ZNF557: variants seen among roughly 807,000 people sequenced by gnomAD.
The protein encoded by ZNF557 is zinc finger protein 557, also known as CTB-25J19.9.
ZNF557 carries 19 observed loss-of-function variants against 21.2 expected under a neutral mutation model. The observed-to-expected ratio is 0.90, with a 90% CI of 0.63 to 1.32. ZNF557 has a LOEUF of 1.32. ZNF557 is among the 40% of genes most tolerant of loss of function. The pLI, the probability that ZNF557 is intolerant of heterozygous loss-of-function variation, is 0.00. For synonymous variants in ZNF557, 207 were observed against 194.8 expected, an observed-to-expected ratio of 1.06 and a Z score of -0.52; for missense variants, 487 against 519.8, an observed-to-expected ratio of 0.94 and a Z score of 0.61.
intron 2 of ZNF557, among the ~76,000 whole-genome samples, chr19:7,071,586 G>A (rs890836720): frequency 6.6e-6 from 1 of 152,158 alleles, no homozygotes; most frequent in African/African-American, 2.4e-5. Context: ...AAGCCTGTCT[G>A]TAATCCCAGA....
chr19:7,072,838 C>G (rs975647785), intron 2 of ZNF557, among the ~76,000 whole-genome samples: 1 of 152,190 alleles, frequency 6.6e-6, no homozygotes, highest in African/African-American at 2.4e-5. Flanking sequence ...AAAGCCAGTT[C>G]TTAGATGACA....
chr19:7,071,117 G>C (rs920718090), intron 2 of ZNF557, among the ~76,000 whole-genome samples: 1 of 151,970 alleles, frequency 6.6e-6, no homozygotes, highest in African/African-American at 2.4e-5. Flanking sequence ...GATACTAAGG[G>C]GTGTGTGATA....
In ZNF557 at chr19:7,075,244, C is replaced by T. The variant is rs544254235; in HGVS notation, c.31+139C>T. ...GGCCCAGAGGTCCTCCGTGTCTGAT[C>T]GGGCGGCTCTTGGGACTTGGGACTT... On this transcript the variant is annotated intron_variant, in intron 3 of 7. Coordinates refer to ENST00000252840, the MANE Select transcript of ZNF557 (RefSeq NM_024341.3). 785 of 1,222,718 alleles carry T rather than the reference C, an allele frequency of 6.4e-4. 3 individuals carry two copies. In the African/African-American group the frequency reaches 0.01, roughly 16 times the overall value. The allele number at this position is 1,222,718 out of a possible 1,614,324, so 75.7% of individuals were successfully genotyped here. A position where few individuals can be genotyped will look rare whatever the true frequency, so the allele number is the denominator to read the frequency against.
intron 2 of ZNF557, among the ~76,000 whole-genome samples, chr19:7,073,739 T>C (rs748892706): frequency 1.1e-4 from 16 of 152,054 alleles, no homozygotes; most frequent in Non-Finnish European, 2.2e-4. Context: ...TCCCAATCCT[T>C]CTCTCCCCGG....
At chr19:7,074,217 A>G (rs1774810041) in intron 2 of ZNF557, among the ~76,000 whole-genome samples, 1 of 151,684 alleles carries the variant, frequency 6.6e-6, no homozygotes, top group South Asian at 2.1e-4. Flanking sequence ...CATGTTAGCC[A>G]GGATCGTCTC....
chr19:7,077,683 G>A (rs934381657), intron 5 of ZNF557, among the ~76,000 whole-genome samples: 1 of 152,044 alleles, frequency 6.6e-6, no homozygotes, highest in Non-Finnish European at 1.5e-5. Flanking sequence ...TGTGTCCTGT[G>A]GTAATTCTGT....
In ZNF557 at chr19:7,083,851, C is replaced by A. The variant is rs1409379623; in HGVS notation, c.*107C>A. ...ACCTGCTACTGTGTAACAAATTACC[C>A]CCCAAAATTTTGTGGCTTCAAACAA... On this transcript the variant is annotated 3_prime_UTR_variant, in exon 8 of 8. Transcript: ENST00000252840. 9.1e-6 allele frequency: 13 copies of A among 1,435,154 alleles called. No homozygotes were observed. Among genetic ancestry groups the A allele is most frequent in the Non-Finnish European group, 1.1e-5 (12 of 1,065,084 alleles). 88.9% of individuals were successfully genotyped at this position (1,435,154 alleles called of 1,614,324 possible).
chr19:7,076,612 A>T, intron 5 of ZNF557, 105 bp downstream of exon 5: 1 of 1,492,194 alleles, frequency 6.7e-7, no homozygotes, highest in South Asian at 1.4e-5. Context: ...CACCATTTAA[A>T]CTATTTTAAA....
At chr19:7,074,331 T>TACACACAC (rs71177149) in intron 2 of ZNF557, among the ~76,000 whole-genome samples, 26 of 150,034 alleles carry the variant, frequency 1.7e-4, no homozygotes, top group Non-Finnish European at 2.8e-4. Context: ...TGTGTGTATA[T>TACACACAC]ACACACACAC....
intron 4 of ZNF557, 21 bp from the exon 5 acceptor site, chr19:7,076,360 G>T (rs747188697): frequency 6.2e-7 from 1 of 1,614,028 alleles, no homozygotes; most frequent in South Asian, 1.1e-5. Flanking sequence ...TGGCTAAGCC[G>T]TGATGTTTGC....
rs774311332 is a variant in ZNF557, at chr19:7,083,445, A to C, written c.994A>C (p.Arg332=). Reference sequence around the variant, plus strand: ...CGATTGTGGGAGAACCTTCAGGAGGAGGTCGAATCTGACACAGCACATAAG... The same window carrying C: ...CGATTGTGGGAGAACCTTCAGGAGGCGGTCGAATCTGACACAGCACATAAG... The part of the protein sequence containing the change: ...CHDCGRTFRR[R]SNLTQHIRTH... Residue 332 remains arginine (R), a synonymous_variant, in exon 8 of 8, where the codon AGG becomes CGG. Coordinates refer to ENST00000252840, the MANE Select transcript of ZNF557 (RefSeq NM_024341.3). 6.2e-7 allele frequency: 1 copy of C among 1,614,200 alleles called. No individual in the cohort carries two copies. Among genetic ancestry groups the C allele is most frequent in the Admixed American group, 1.7e-5 (1 of 60,026 alleles).
chr19:7,073,934 C>G (rs917232395), intron 2 of ZNF557, among the ~76,000 whole-genome samples: 4 of 151,960 alleles, frequency 2.6e-5, no homozygotes, highest in African/African-American at 2.4e-5. Context: ...CAAACTCTTA[C>G]AAGTCTCTAA....
chr19:7,075,562 C>T, intron 3 of ZNF557, 93 bp from the exon 4 acceptor site: 1 of 1,258,452 alleles, frequency 7.9e-7, no homozygotes, highest in Non-Finnish European at 1.1e-6. Context: ...TGCATGGGGA[C>T]CTGGTCGATC....
At chr19:7,076,563 T>C in intron 5 of ZNF557, 56 bp downstream of exon 5, 1 of 1,576,536 alleles carries the variant, frequency 6.3e-7, no homozygotes, top group South Asian at 1.2e-5. Context: ...CAGTCTTTTT[T>C]TTCTTTTTTT....
At position 7,076,428 on chromosome 19, in the gene ZNF557, G is replaced by T. The variant is rs1568407240; in HGVS notation, c.168G>T (p.Glu56Asp). Reference sequence around the variant, plus strand: ...TGGCCGTGGAGTTCACCCAGGAGGAGTGGGCATTGCTGGACCCTGCCCAAA... The same window carrying T: ...TGGCCGTGGAGTTCACCCAGGAGGATTGGGCATTGCTGGACCCTGCCCAAA... ...EDVAVEFTQE[E>D]WALLDPAQRT... Residue 56 changes from glutamate to aspartate, a missense_variant, in exon 5 of 8, where the codon GAG becomes GAT. Transcript: ENST00000252840. The T allele has an allele frequency of 6.2e-7, 1 of 1,614,222 alleles. No individual in the cohort carries two copies. The highest frequency in any genetic ancestry group is 8.5e-7 in the Non-Finnish European group (1 of 1,180,054).
intron 2 of ZNF557, among the ~76,000 whole-genome samples, chr19:7,074,704 G>C (rs1004450839): frequency 6.7e-6 from 1 of 149,202 alleles, no homozygotes; most frequent in Non-Finnish European, 1.5e-5. Context: ...AGGAGGAGGG[G>C]GTGGTCAAGG....
intron 5 of ZNF557, 77 bp from the exon 6 acceptor site, chr19:7,081,283 G>C (rs1977699193): frequency 1.0e-6 from 1 of 966,748 alleles, no homozygotes; most frequent in South Asian, 1.4e-5. Flanking sequence ...TTCACCTTCA[G>C]AACTGATTTC....
At chr19:7,082,315 T>G (rs1977727289) in intron 7 of ZNF557, among the ~76,000 whole-genome samples, 2 of 149,434 alleles carry the variant, frequency 1.3e-5, no homozygotes, top group Non-Finnish European at 3.0e-5. Context: ...CCCAAATACT[T>G]GGGAAGCTGA....
At chr19:7,079,626 AT>A (rs1488942232) in intron 5 of ZNF557, among the ~76,000 whole-genome samples, 1 of 151,638 alleles carries the variant, frequency 6.6e-6, no homozygotes, top group Non-Finnish European at 1.5e-5. Context: ...TTTAAATCTG[AT>A]TTCCCCCCTC....
Sources: allele counts gnomAD v4.1 joint callset (sites outside exome capture counted in the v4.1 genomes callset), GRCh38; gene constraint gnomAD v4.1.1; transcripts MANE v1.5; gene names NCBI Gene and HGNC (gene_info 2026-07-23, HGNC 2026-07-21).